CSRNP3: variants seen among roughly 807,000 people sequenced by gnomAD.
The protein encoded by CSRNP3 is cysteine/serine-rich nuclear protein 3.
A neutral mutation model predicts 48.0 loss-of-function variants in CSRNP3; 12 were observed. That is an observed-to-expected ratio of 0.25 (90% CI 0.16 to 0.41). CSRNP3 has a LOEUF of 0.41. Ranked by LOEUF, CSRNP3 falls within the 10% of genes least tolerant of loss-of-function variation. CSRNP3 has a pLI of 1.00. For synonymous variants in CSRNP3, 263 were observed against 269.7 expected (o/e 0.98, Z 0.24); for missense variants, 580 against 724.4 (o/e 0.80, Z 2.29).
chr2:165,590,846 G>C (rs972369138), intron 3 of CSRNP3, among the ~76,000 whole-genome samples: 2 of 152,154 alleles, frequency 1.3e-5, no homozygotes, highest in Non-Finnish European at 2.9e-5. Context: ...AAATTTCCTA[G>C]TCTCAGGTAT....
At chr2:165,612,709 T>G (rs766810609) in intron 4 of CSRNP3, among the ~76,000 whole-genome samples, 9 of 151,810 alleles carry the variant, frequency 5.9e-5, no homozygotes, top group Non-Finnish European at 1.3e-4. Context: ...CTTATTTTAT[T>G]TAACATAATG....
chr2:165,475,521 T>C (rs1161930639), intron 1 of CSRNP3, among the ~76,000 whole-genome samples: 1 of 152,220 alleles, frequency 6.6e-6, no homozygotes, highest in Non-Finnish European at 1.5e-5. Flanking sequence ...CTCAGTACCC[T>C]TTCGCTCACT....
At chr2:165,530,037 G>A (rs879668147) in intron 3 of CSRNP3, among the ~76,000 whole-genome samples, 3 of 152,144 alleles carry the variant, frequency 2.0e-5, no homozygotes, top group Non-Finnish European at 4.4e-5. Flanking sequence ...TTTAACAGAT[G>A]TATCTTTGTA....
chr2:165,678,790 G>T lies in CSRNP3; in HGVS notation c.795G>T (p.Arg265=). 1.2e-5 allele frequency: 19 copies of T among 1,614,052 alleles called. No homozygotes were observed. Among genetic ancestry groups the T allele is most frequent in the Non-Finnish European group, 1.6e-5 (19 of 1,179,996 alleles). ...TTGAATTTAATCCTATCCGTGTTCGGACTCACTTTTTGCACACAATAATGA... is the reference window on the plus strand; with the variant it reads ...TTGAATTTAATCCTATCCGTGTTCGTACTCACTTTTTGCACACAATAATGA... The part of the protein sequence containing the change: ...GRIEFNPIRV[R]THFLHTIMKL... The change falls in exon 7 of 7, where the codon CGG becomes CGT. Residue 265 remains arginine, a synonymous_variant. Transcript: ENST00000651982.
At chr2:165,586,437 G>A (rs1685634141) in intron 3 of CSRNP3, among the ~76,000 whole-genome samples, 1 of 152,196 alleles carries the variant, frequency 6.6e-6, no homozygotes, top group African/African-American at 2.4e-5. Context: ...CAACAAAAAA[G>A]TAGATTTCTC....
intron 3 of CSRNP3, among the ~76,000 whole-genome samples, chr2:165,543,017 T>C (rs953290367): frequency 1.3e-5 from 2 of 152,200 alleles, no homozygotes; most frequent in African/African-American, 2.4e-5. Context: ...TTGGCTCTTA[T>C]TATCAGTTGA....
At chr2:165,597,195 G>T (rs761775748) in intron 4 of CSRNP3, among the ~76,000 whole-genome samples, 6 of 152,234 alleles carry the variant, frequency 3.9e-5, no homozygotes, top group African/African-American at 7.2e-5. Flanking sequence ...GGATATAAAG[G>T]TCTGGATATT....
chr2:165,648,870 T>C (rs1367161787), intron 4 of CSRNP3, among the ~76,000 whole-genome samples: 2 of 152,204 alleles, frequency 1.3e-5, no homozygotes, highest in Non-Finnish European at 2.9e-5. Context: ...CAATAAACCT[T>C]ACTTTTTTCC....
At chr2:165,520,704 ATCTATCTG>A (rs993415658) in intron 3 of CSRNP3, among the ~76,000 whole-genome samples, 1 of 138,316 alleles carries the variant, frequency 7.2e-6, no homozygotes, top group Admixed American at 7.2e-5. Context: ...CTATCTATCT[ATCTATCTG>A]TCTATCTATA....
At chr2:165,536,983 G>A (rs367877469) in intron 3 of CSRNP3, among the ~76,000 whole-genome samples, 4 of 151,744 alleles carry the variant, frequency 2.6e-5, no homozygotes, top group African/African-American at 9.7e-5. Context: ...ATTCTCCAAA[G>A]GGAAATTGAA....
chr2:165,625,861 G>A (rs1686424152), intron 4 of CSRNP3, among the ~76,000 whole-genome samples: 2 of 147,520 alleles, frequency 1.4e-5, no homozygotes, highest in East Asian at 4.0e-4. Context: ...TGAACTCGGG[G>A]CAGAGGTTGC....
intron 3 of CSRNP3, among the ~76,000 whole-genome samples, chr2:165,533,944 C>G (rs1449983799): frequency 6.6e-6 from 1 of 151,832 alleles, no homozygotes; most frequent in Non-Finnish European, 1.5e-5. Flanking sequence ...ATATCTGTTA[C>G]AGAAGATTTG....
At chr2:165,534,322 G>A (rs1684854246) in intron 3 of CSRNP3, among the ~76,000 whole-genome samples, 1 of 151,830 alleles carries the variant, frequency 6.6e-6, no homozygotes, top group African/African-American at 2.4e-5. Context: ...TGTTTCTGAA[G>A]TCATCTGAGT....
At chr2:165,662,587 G>T (rs1687116070) in intron 5 of CSRNP3, among the ~76,000 whole-genome samples, 1 of 152,136 alleles carries the variant, frequency 6.6e-6, no homozygotes, top group African/African-American at 2.4e-5. Context: ...GCACCACATT[G>T]TTGAACAATT....
At position 165,658,042 on chromosome 2, in the gene CSRNP3, T is replaced by C. The variant is rs1687035597; in HGVS notation, c.408+22T>C. The stretch of plus-strand genomic sequence containing the variant: ...AAAGGTAAAAAACAAACTCATTTTC[T>C]GCAAAGTCTCATATCCTTACAGCAA... On this transcript the variant is annotated intron_variant, in intron 5 of 6. Coordinates refer to ENST00000651982, the MANE Select transcript of CSRNP3 (RefSeq NM_001172173.2). 3 of 1,600,712 alleles carry C rather than the reference T, an allele frequency of 1.9e-6. No individual in the cohort carries two copies. The East Asian group carries it at 6.7e-5, about 36-fold the overall frequency.
intron 4 of CSRNP3, among the ~76,000 whole-genome samples, chr2:165,630,497 C>T (rs1170982605): frequency 2.0e-5 from 3 of 152,174 alleles, no homozygotes; most frequent in Non-Finnish European, 2.9e-5. Context: ...GCATTAACTG[C>T]AGTGAGTGGT....
chr2:165,474,439 A>C (rs1683934657), intron 1 of CSRNP3, among the ~76,000 whole-genome samples: 1 of 152,100 alleles, frequency 6.6e-6, no homozygotes, highest in South Asian at 2.1e-4. Context: ...TTATGTCTTT[A>C]AACAATATTT....
At chr2:165,525,982 T>A (rs1316008093) in intron 3 of CSRNP3, among the ~76,000 whole-genome samples, 1 of 152,246 alleles carries the variant, frequency 6.6e-6, no homozygotes. Context: ...GTTTCATCAC[T>A]TTTTTATAAA....
intron 4 of CSRNP3, among the ~76,000 whole-genome samples, chr2:165,602,427 A>G (rs1685931479): frequency 6.6e-6 from 1 of 152,248 alleles, no homozygotes. Flanking sequence ...ATCTGGGACC[A>G]GCTGCAGATC....
Sources: gnomAD v4.1 joint callset for allele counts (sites outside exome capture counted in the v4.1 genomes callset) on GRCh38, gnomAD v4.1.1 for gene constraint, MANE v1.5 for transcripts, NCBI Gene and HGNC (gene_info 2026-07-23, HGNC 2026-07-21) for gene names.